Variants in EML4 observed in about 807,000 individuals in gnomAD.
EML4 encodes EMAP like 4.
In EML4, 72 loss-of-function variants were observed where a neutral mutation model predicts 129.0. The observed-to-expected ratio is 0.56, with a 90% confidence interval of 0.46 to 0.68. The LOEUF is 0.68. Ranked by LOEUF, EML4 falls within the 30% of genes least tolerant of loss-of-function variation. The pLI is 0.00. For synonymous variants in EML4, 532 were observed against 405.0 expected, an observed-to-expected ratio of 1.31 and a Z score of -3.77; for missense variants, 1,363 against 1,190.6, an observed-to-expected ratio of 1.14 and a Z score of -2.13.
At chr2:42,217,045 A>G (rs1673237270) in intron 1 of EML4, among the ~76,000 whole-genome samples, 1 of 152,250 alleles carries the variant, frequency 6.6e-6, no homozygotes, top group African/African-American at 2.4e-5. Flanking sequence ...ATTTTTGTTA[A>G]GTAAATTTTC....
chr2:42,264,936 G>GA (rs757789208), intron 6 of EML4: 44 of 1,549,666 alleles, frequency 2.8e-5, no homozygotes, highest in South Asian at 1.2e-5. Flanking sequence ...GTCAACTCGC[G>GA]AAAAAAACAG....
intron 1 of EML4, among the ~76,000 whole-genome samples, chr2:42,201,384 T>A (rs1672222972): frequency 6.6e-6 from 1 of 152,230 alleles, no homozygotes; most frequent in Non-Finnish European, 1.5e-5. Flanking sequence ...AGCGCACAGC[T>A]AGGCTTAATG....
At chr2:42,285,408 A>C (rs1456130074) in intron 9 of EML4, among the ~76,000 whole-genome samples, 2 of 152,188 alleles carry the variant, frequency 1.3e-5, no homozygotes, top group Non-Finnish European at 2.9e-5. Context: ...GAAAAGGAGT[A>C]GAAGGTTTCT....
intron 13 of EML4, among the ~76,000 whole-genome samples, chr2:42,300,585 C>T (rs1263217891): frequency 1.3e-5 from 2 of 152,174 alleles, no homozygotes; most frequent in African/African-American, 2.4e-5. Context: ...CAAAAGCCAT[C>T]ACTGCAGGTA....
intron 17 of EML4, among the ~76,000 whole-genome samples, chr2:42,308,083 G>GAT (rs1668718856): frequency 6.6e-6 from 1 of 152,238 alleles, no homozygotes; most frequent in Non-Finnish European, 1.5e-5. Context: ...TGTAACTAAA[G>GAT]AGTAAGCACA....
chr2:42,322,586 CTT>C (rs1669578064), intron 19 of EML4, among the ~76,000 whole-genome samples: 1 of 152,228 alleles, frequency 6.6e-6, no homozygotes, highest in Non-Finnish European at 1.5e-5. Flanking sequence ...TATTCTTTCA[CTT>C]TGTCACTTGG....
chr2:42,195,274 A>G (rs1267506849), intron 1 of EML4, among the ~76,000 whole-genome samples: 1 of 152,220 alleles, frequency 6.6e-6, no homozygotes, highest in African/African-American at 2.4e-5. Flanking sequence ...TATGCCTTAC[A>G]CGACTATTAA....
chr2:42,173,678 G>C (rs1273732220), intron 1 of EML4, among the ~76,000 whole-genome samples: 5 of 151,964 alleles, frequency 3.3e-5, no homozygotes, highest in Non-Finnish European at 7.4e-5. Flanking sequence ...GCAAGACCCT[G>C]TCTCTGCAAA....
In EML4 at chr2:42,198,028, C is replaced by T. The variant is rs141045376; in HGVS notation, c.25+28392C>T. On this transcript the variant is annotated intron_variant, in intron 1 of 22. Transcript: ENST00000318522. ...AGTTATTTAATCTTTCTGTGTGCCC[C>T]ATTTGTAAAGTGGTACTAATACAAG... Among the ~76,000 whole-genome samples, 150 of 152,244 alleles carry T rather than the reference C, an allele frequency of 9.9e-4. 2 individuals are homozygous for T. In the East Asian group the frequency reaches 0.022, roughly 23 times the overall value.
At chr2:42,177,810 G>A (rs1670692737) in intron 1 of EML4, among the ~76,000 whole-genome samples, 1 of 152,096 alleles carries the variant, frequency 6.6e-6, no homozygotes, top group Non-Finnish European at 1.5e-5. Context: ...GTCGTGGTCA[G>A]GACCAACATT....
intron 4 of EML4, 42 bp downstream of exon 4, chr2:42,261,336 A>G: frequency 1.3e-6 from 2 of 1,499,688 alleles, no homozygotes; most frequent in South Asian, 2.7e-5. Flanking sequence ...AATGGTTGTA[A>G]TGATACCTAA....
At position 42,304,539 on chromosome 2, in the gene EML4, C is replaced by T. The variant is rs1288401540; in HGVS notation, c.1955C>T (p.Thr652Met). The T allele has an allele frequency of 1.2e-5, 19 of 1,613,470 alleles. No individual in the cohort carries two copies. The highest frequency in any genetic ancestry group is 8.9e-5 in the East Asian group (4 of 44,876). Residue 652 changes from threonine to methionine, a missense_variant, in exon 17 of 23, where the codon ACG (threonine) becomes ATG (methionine). Transcript: ENST00000318522. ...AGTGGCACAGTGGTGGCCATAGGAACGCACTCAGGCAGGTAGGGTCTTTAA... is the reference window on the plus strand; with the variant it reads ...AGTGGCACAGTGGTGGCCATAGGAATGCACTCAGGCAGGTAGGGTCTTTAA... ...HPSGTVVAIG[T>M]HSGRWFVLDA... is the part of the protein sequence containing the mutation.
intron 6 of EML4, among the ~76,000 whole-genome samples, chr2:42,271,456 T>C (rs1376682638): frequency 6.6e-6 from 1 of 152,106 alleles, no homozygotes; most frequent in Non-Finnish European, 1.5e-5. Flanking sequence ...TTTCATAATG[T>C]TGTGGTTAGT....
intron 1 of EML4, among the ~76,000 whole-genome samples, chr2:42,215,015 C>G (rs1206746225): frequency 6.6e-6 from 1 of 152,136 alleles, no homozygotes; most frequent in Admixed American, 6.5e-5. Flanking sequence ...GGGGGTTCAT[C>G]TGTGGAGGCT....
intron 3 of EML4, among the ~76,000 whole-genome samples, chr2:42,259,149 AGGTG>A (rs1665547014): frequency 5.3e-5 from 8 of 150,048 alleles, no homozygotes; most frequent in Non-Finnish European, 1.2e-4. Context: ...GGGGAAGCTG[AGGTG>A]GGAGAATTGC....
At chr2:42,318,983 C>T (rs1476285400) in intron 19 of EML4, among the ~76,000 whole-genome samples, 3 of 152,054 alleles carry the variant, frequency 2.0e-5, no homozygotes, top group Non-Finnish European at 4.4e-5. Context: ...TGAGATTAGG[C>T]ATGAGCCACT....
intron 6 of EML4, among the ~76,000 whole-genome samples, chr2:42,278,964 C>G (rs2104452929): frequency 6.6e-6 from 1 of 151,904 alleles, no homozygotes; most frequent in East Asian, 1.9e-4. Flanking sequence ...TGATTTGATT[C>G]TAGACTTGTG....
intron 10 of EML4, among the ~76,000 whole-genome samples, 187 bp from the exon 11 acceptor site, chr2:42,288,040 G>T (rs1269170392): frequency 2.0e-5 from 3 of 152,108 alleles, no homozygotes; most frequent in Non-Finnish European, 4.4e-5. Context: ...TTTTGTAAAA[G>T]AATCTTTATA....
intron 1 of EML4, among the ~76,000 whole-genome samples, chr2:42,239,809 A>T (rs187392325): frequency 1.3e-5 from 2 of 152,188 alleles, no homozygotes; most frequent in African/African-American, 4.8e-5. Context: ...AATCTACTTG[A>T]TCAAGAAAAG....
Sources: allele counts gnomAD v4.1 joint callset (sites outside exome capture counted in the v4.1 genomes callset), GRCh38; gene constraint gnomAD v4.1.1; transcripts MANE v1.5; gene names NCBI Gene and HGNC (gene_info 2026-07-23, HGNC 2026-07-21).